TBC1D22A: variants seen among roughly 807,000 people sequenced by gnomAD.
TBC1D22A encodes the protein putative GTPase activator.
A neutral mutation model predicts 60.2 loss-of-function variants in TBC1D22A; 38 were observed. The observed-to-expected ratio is 0.63, with a 90% CI of 0.49 to 0.83. TBC1D22A has a LOEUF of 0.83. Among genes scored for constraint, TBC1D22A ranks in the 40% least tolerant of loss-of-function variants. The pLI is 0.00. For missense variants in TBC1D22A, 628 were observed against 701.0 expected (o/e 0.90, Z 1.18); for synonymous variants, 302 against 281.7 (o/e 1.07, Z -0.72).
chr22:47,152,880 A>G (rs1175607076), intron 12 of TBC1D22A, among the ~76,000 whole-genome samples: 1 of 152,076 alleles, frequency 6.6e-6, no homozygotes, highest in Non-Finnish European at 1.5e-5. Context: ...GCTGGAAGGG[A>G]GACCCCCTGA....
chr22:46,933,814 T>C (rs1355367763), intron 8 of TBC1D22A, among the ~76,000 whole-genome samples: 1 of 152,248 alleles, frequency 6.6e-6, no homozygotes, highest in East Asian at 1.9e-4. Context: ...TCAAATTAAG[T>C]AGCCACACGT....
Position 47,044,565 on chromosome 22 carries a change from A to G in TBC1D22A, c.1329+7367A>G, listed in dbSNP as rs1569379245. 5.3e-5 allele frequency among the ~76,000 whole-genome samples: 8 copies of G among 152,226 alleles called. No individual in the cohort carries two copies. In the South Asian group the frequency reaches 1.7e-3, roughly 31 times the overall value. ...GATCGGGTTAACCTAATGAAGCTGAAGAAGCTGGTCTCCGTACATTGTACT... is the reference window on the plus strand; with the variant it reads ...GATCGGGTTAACCTAATGAAGCTGAGGAAGCTGGTCTCCGTACATTGTACT... On this transcript the variant is annotated intron_variant, in intron 11 of 12. Coordinates refer to ENST00000337137, the MANE Select transcript of TBC1D22A (RefSeq NM_014346.5).
intron 8 of TBC1D22A, among the ~76,000 whole-genome samples, chr22:46,925,215 A>G (rs530649896): frequency 6.6e-6 from 1 of 152,328 alleles, no homozygotes; most frequent in South Asian, 2.1e-4. Context: ...ACTTCCTTGA[A>G]TGTTCCTCAT....
intron 5 of TBC1D22A, among the ~76,000 whole-genome samples, chr22:46,883,369 G>A (rs533430612): frequency 1.8e-4 from 27 of 152,282 alleles, no homozygotes; most frequent in South Asian, 4.1e-4. Context: ...GTTTTCTGTA[G>A]TTCTGTCATT....
At chr22:46,980,850 A>C (rs1392025363) in intron 9 of TBC1D22A, among the ~76,000 whole-genome samples, 1 of 152,260 alleles carries the variant, frequency 6.6e-6, no homozygotes, top group East Asian at 1.9e-4. Flanking sequence ...CCACTGAATA[A>C]GAAAGAGAAG....
At chr22:46,918,945 C>A (rs1329628164) in intron 8 of TBC1D22A, among the ~76,000 whole-genome samples, 1 of 152,180 alleles carries the variant, frequency 6.6e-6, no homozygotes, top group African/African-American at 2.4e-5. Context: ...CCCACCCACT[C>A]CCAACCTCCA....
intron 8 of TBC1D22A, among the ~76,000 whole-genome samples, chr22:46,948,698 T>G (rs1351906268): frequency 6.6e-6 from 1 of 152,224 alleles, no homozygotes; most frequent in African/African-American, 2.4e-5. Context: ...AGCTGCAATT[T>G]CTCAAGAAGA....
intron 12 of TBC1D22A, among the ~76,000 whole-genome samples, chr22:47,148,105 T>G (rs2067352329): frequency 2.0e-5 from 3 of 152,070 alleles, no homozygotes; most frequent in South Asian, 4.1e-4. Context: ...TGGTCTGAAC[T>G]GATGAAAAAT....
chr22:46,869,212 A>G (rs1002073927), intron 4 of TBC1D22A, among the ~76,000 whole-genome samples: 1 of 152,188 alleles, frequency 6.6e-6, no homozygotes, highest in African/African-American at 2.4e-5. Flanking sequence ...TGCTTTGCTT[A>G]GTTTCAAGAT....
At chr22:46,909,762 G>C (rs550346302) in intron 7 of TBC1D22A, among the ~76,000 whole-genome samples, 38 of 152,168 alleles carry the variant, frequency 2.5e-4, no homozygotes, top group Non-Finnish European at 5.3e-4. Context: ...CCTAAGGGCT[G>C]TTGAGCTGGA....
chr22:47,109,933 C>T (rs999951910), intron 11 of TBC1D22A, among the ~76,000 whole-genome samples: 3 of 152,110 alleles, frequency 2.0e-5, no homozygotes, highest in Admixed American at 1.3e-4. Flanking sequence ...TTCCACCTCT[C>T]CCCACCCTGC....
Position 46,780,315 on chromosome 22 carries a change from T to G in TBC1D22A, c.63-12205T>G, listed in dbSNP as rs199971370. Among the ~76,000 whole-genome samples the G allele has an allele frequency of 4.6e-5, 7 of 152,362 alleles. No individual in the cohort carries two copies. The East Asian group carries it at 1.3e-3, about 29-fold the overall frequency. Reference sequence around the variant, plus strand: ...AGAGAAGCATTTAATCGTAAATGTTTCATTTATTTTATGATCCTGAGAACA... The same window carrying G: ...AGAGAAGCATTTAATCGTAAATGTTGCATTTATTTTATGATCCTGAGAACA... On this transcript the variant is annotated intron_variant, in intron 1 of 12. Transcript: ENST00000337137.
rs187527106 is a variant in TBC1D22A at position 47,007,866 on chromosome 22, C to T, written c.1201+10157C>T. Among the ~76,000 whole-genome samples, 785 of 152,272 alleles carry T rather than the reference C, an allele frequency of 5.2e-3. 6 individuals carry two copies. The highest frequency in any genetic ancestry group is 5.7e-3 in the Non-Finnish European group (386 of 68,020). On this transcript the variant is annotated intron_variant, in intron 10 of 12. Transcript: ENST00000337137. ...GATACAGCCACACTGTGTGTTAGGG[C>T]TTCAACATAGCAATTTTGGGGAAAC...
At chr22:46,847,250 T>G (rs886129293) in intron 4 of TBC1D22A, among the ~76,000 whole-genome samples, 1 of 152,210 alleles carries the variant, frequency 6.6e-6, no homozygotes, top group Non-Finnish European at 1.5e-5. Flanking sequence ...TAGAAGAGAT[T>G]GCCACCATGG....
intron 12 of TBC1D22A, among the ~76,000 whole-genome samples, chr22:47,167,644 A>C (rs909273056): frequency 6.6e-6 from 1 of 152,212 alleles, no homozygotes; most frequent in Non-Finnish European, 1.5e-5. Flanking sequence ...TCTCAGCTGC[A>C]AGAAGAGACC....
At position 46,793,581 on chromosome 22, in the gene TBC1D22A, A is replaced by G. The variant is rs1441607266; in HGVS notation, c.200A>G (p.Asn67Ser). 1.9e-6 allele frequency: 3 copies of G among 1,614,090 alleles called. No homozygotes were observed. The highest frequency in any genetic ancestry group is 2.5e-6 in the Non-Finnish European group (3 of 1,180,050). ...RVSTFQEFESNTSDAWDAGED... is the reference protein window; with the variant it reads ...RVSTFQEFESSTSDAWDAGED... ...AGCACCTTCCAGGAGTTTGAGAGCA[A>G]TACCAGCGATGCCTGGGACGCTGGG... is the stretch of plus-strand genomic sequence containing the variant. Residue 67 changes from asparagine to serine, a missense_variant, in exon 3 of 13, where the codon AAT becomes AGT. Physicochemically the swap from Asn to Ser is conservative, Grantham distance 46. Transcript: ENST00000337137.
At position 47,170,963 on chromosome 22, in the gene TBC1D22A, T is replaced by C. The variant is rs566719787; in HGVS notation, c.1426-2535T>C. On this transcript the variant is annotated intron_variant, in intron 12 of 12. Transcript: ENST00000337137. ...GGAAATGGAGAGCGCAGCTCCGGGA[T>C]GGCCGGGGGGCCTGCCTCAGTGAGG... Among the ~76,000 whole-genome samples, 7 of 152,340 alleles carry C rather than the reference T, an allele frequency of 4.6e-5. No homozygotes were observed. In the South Asian group the frequency reaches 1.4e-3, roughly 32 times the overall value.
intron 12 of TBC1D22A, among the ~76,000 whole-genome samples, chr22:47,144,145 T>C (rs1257687397): frequency 1.3e-5 from 2 of 152,030 alleles, no homozygotes; most frequent in African/African-American, 2.4e-5. Flanking sequence ...TGTCCCAAAA[T>C]ATCACTGTCT....
At position 46,974,410 on chromosome 22, in the gene TBC1D22A, G is replaced by A. The variant is rs181629422; in HGVS notation, c.1125+11G>A. On this transcript the variant is annotated intron_variant, in intron 9 of 12. Coordinates refer to ENST00000337137, the MANE Select transcript of TBC1D22A (RefSeq NM_014346.5). ...CTGGATGGCATTCAGGTGAGCGCCC[G>A]CGCCCACGGGACACAGCCCACGCCC... The A allele has an allele frequency of 1.8e-3, 2,813 of 1,599,268 alleles. 77 individuals are homozygous for A. The Admixed American group carries it at 0.044, about 25-fold the overall frequency.
Sources: allele counts gnomAD v4.1 joint callset (sites outside exome capture counted in the v4.1 genomes callset), GRCh38; gene constraint gnomAD v4.1.1; transcripts MANE v1.5; gene names NCBI Gene and HGNC (gene_info 2026-07-23, HGNC 2026-07-21).